The following TNFSF4 variants were observed in gnomAD, a reference collection of about 807,000 sequenced individuals.
The protein encoded by TNFSF4 is TNF superfamily member 4.
Under a neutral mutation model 7.3 loss-of-function variants are expected in TNFSF4, and 4 were observed. That is an observed-to-expected ratio of 0.55 (90% CI 0.27 to 1.25). The LOEUF is 1.25. Ranked by LOEUF, TNFSF4 falls within the 50% of genes most tolerant of loss-of-function variation. The probability of loss-of-function intolerance (pLI) is 0.12; values close to 1 mark genes in which losing one functional copy is unlikely to be tolerated. For synonymous variants in TNFSF4, 76 were observed against 83.7 expected, an observed-to-expected ratio of 0.91 and a Z score of 0.50; for missense variants, 181 against 208.8, an observed-to-expected ratio of 0.87 and a Z score of 0.82.
At chr1:173,397,660 C>T in the TNFSF4 span, among the ~76,000 whole-genome samples, 1 of 152,194 alleles carries the variant, frequency 6.6e-6, no homozygotes, top group African/African-American at 2.4e-5. Flanking sequence ...GCAGAACCTA[C>T]AAACTGGTTC....
At chr1:173,241,851 A>G in the TNFSF4 span, among the ~76,000 whole-genome samples, 1 of 152,160 alleles carries the variant, frequency 6.6e-6, no homozygotes, top group African/African-American at 2.4e-5. Flanking sequence ...ATTAGGTGGA[A>G]GACGAGGTAG....
the TNFSF4 span, among the ~76,000 whole-genome samples, chr1:173,273,107 G>C: frequency 6.6e-6 from 1 of 152,116 alleles, no homozygotes; most frequent in Admixed American, 6.6e-5. Flanking sequence ...CTTGCAAATT[G>C]ATGTGGATGG....
At chr1:173,261,080 T>G in the TNFSF4 span, among the ~76,000 whole-genome samples, 1 of 152,174 alleles carries the variant, frequency 6.6e-6, no homozygotes, top group Non-Finnish European at 1.5e-5. Context: ...ATCAATCACA[T>G]AATTGGAAGT....
downstream of TNFSF4, among the ~76,000 whole-genome samples, chr1:173,180,110 C>T (rs1228290913): frequency 6.6e-6 from 1 of 152,140 alleles, no homozygotes; most frequent in Non-Finnish European, 1.5e-5. Context: ...TTTCTTCATG[C>T]CTCTCAAAAT....
At chr1:173,312,452 T>C in the TNFSF4 span, among the ~76,000 whole-genome samples, 2 of 152,052 alleles carry the variant, frequency 1.3e-5, no homozygotes, top group African/African-American at 4.8e-5. Flanking sequence ...TATTGATCAA[T>C]GTGGGGCTTA....
chr1:173,253,220 C>T, the TNFSF4 span, among the ~76,000 whole-genome samples: 28 of 152,176 alleles, frequency 1.8e-4, no homozygotes, highest in African/African-American at 6.5e-4. Flanking sequence ...GTATATTAGT[C>T]ATAACCATTC....
the TNFSF4 span, among the ~76,000 whole-genome samples, chr1:173,447,960 G>A: frequency 6.6e-6 from 1 of 151,878 alleles, no homozygotes; most frequent in Non-Finnish European, 1.5e-5. Context: ...AACACTAATC[G>A]AAAGAAAAAA....
chr1:173,328,484 C>A, the TNFSF4 span, among the ~76,000 whole-genome samples: 1 of 150,968 alleles, frequency 6.6e-6, no homozygotes, highest in Non-Finnish European at 1.5e-5. Context: ...TGCACATGTA[C>A]CCTAAAACTT....
At chr1:173,415,288 C>T in the TNFSF4 span, among the ~76,000 whole-genome samples, 1 of 152,224 alleles carries the variant, frequency 6.6e-6, no homozygotes, top group African/African-American at 2.4e-5. Context: ...TGTGCCTCAG[C>T]TGGTGCACTG....
chr1:173,304,664 G>A, the TNFSF4 span, among the ~76,000 whole-genome samples: 4 of 151,884 alleles, frequency 2.6e-5, no homozygotes, highest in Non-Finnish European at 5.9e-5. Flanking sequence ...TAATTACATG[G>A]CTGTTGGCTG....
At chr1:173,383,365 T>C in the TNFSF4 span, among the ~76,000 whole-genome samples, 2 of 152,242 alleles carry the variant, frequency 1.3e-5, no homozygotes, top group Admixed American at 1.3e-4. Context: ...ATTTTGTGAA[T>C]AGCTTATTTA....
chr1:173,387,760 TA>T, the TNFSF4 span, among the ~76,000 whole-genome samples: 11 of 152,118 alleles, frequency 7.2e-5, 1 homozygote, highest in East Asian at 3.9e-4. Context: ...TGAAATATGG[TA>T]AAAAAAATTG....
the TNFSF4 span, among the ~76,000 whole-genome samples, chr1:173,392,474 G>A: frequency 6.6e-6 from 1 of 152,172 alleles, no homozygotes; most frequent in African/African-American, 2.4e-5. Flanking sequence ...GTAAATTATA[G>A]TAGGCTGCCT....
the TNFSF4 span, among the ~76,000 whole-genome samples, chr1:173,381,597 A>G: frequency 6.6e-6 from 1 of 152,184 alleles, no homozygotes; most frequent in Non-Finnish European, 1.5e-5. Context: ...AGGACCCCTG[A>G]ACCAACCCAT....
the TNFSF4 span, among the ~76,000 whole-genome samples, chr1:173,365,589 T>C: frequency 6.6e-6 from 1 of 152,228 alleles, no homozygotes; most frequent in Non-Finnish European, 1.5e-5. Context: ...GTCATCAGTG[T>C]CCTCATTGTA....
At chr1:173,328,526 A>G in the TNFSF4 span, among the ~76,000 whole-genome samples, 2 of 151,752 alleles carry the variant, frequency 1.3e-5, no homozygotes, top group Non-Finnish European at 2.9e-5. Flanking sequence ...AAAAAAATAC[A>G]AAGTTTATCT....
At chr1:173,369,686 A>AT in the TNFSF4 span, among the ~76,000 whole-genome samples, 4 of 152,046 alleles carry the variant, frequency 2.6e-5, no homozygotes, top group Non-Finnish European at 5.9e-5. Flanking sequence ...GAAGTGGCTT[A>AT]TTTTTTTCTG....
At chr1:173,400,761 G>C in the TNFSF4 span, among the ~76,000 whole-genome samples, 1 of 152,186 alleles carries the variant, frequency 6.6e-6, no homozygotes, top group Non-Finnish European at 1.5e-5. Context: ...CCTGTGATTA[G>C]GTCAGTGGAA....
the TNFSF4 span, among the ~76,000 whole-genome samples, chr1:173,380,084 T>A: frequency 1.3e-5 from 2 of 152,146 alleles, no homozygotes; most frequent in Non-Finnish European, 2.9e-5. Context: ...TCAGTGTTAA[T>A]CTCCTGTCCC....
Sources: gnomAD v4.1 joint callset for allele counts (sites outside exome capture counted in the v4.1 genomes callset) on GRCh38, gnomAD v4.1.1 for gene constraint, MANE v1.5 for transcripts, NCBI Gene and HGNC (gene_info 2026-07-23, HGNC 2026-07-21) for gene names.